VCP: variants seen among roughly 807,000 people sequenced by gnomAD.
VCP encodes the protein valosin containing protein, also known as transitional endoplasmic reticulum ATPase.
A neutral mutation model predicts 85.7 loss-of-function variants in VCP; 6 were observed. The ratio of observed to expected loss-of-function variants is 0.07; its 90% confidence interval spans 0.04 to 0.14. The LOEUF is 0.14. Ranked by LOEUF, VCP falls within the 10% of genes least tolerant of loss-of-function variation. The probability of loss-of-function intolerance (pLI) is 1.00; values close to 1 mark genes in which losing one functional copy is unlikely to be tolerated. For missense variants in VCP, 353 were observed against 1,043.4 expected (o/e 0.34, Z 9.12); for synonymous variants, 384 against 367.1 (o/e 1.05, Z -0.53).
rs766787045 is a variant in VCP, at chr9:35,066,785, T to C, written c.335A>G (p.Lys112Arg). The part of the protein sequence containing the change: ...IQPCPDVKYG[K>R]RIHVLPIDDT... ...ATCAATGGGCAGCACATGGATACGT[T>C]TGCCGTACTTCACATCAGGGCATGG... is the stretch of plus-strand genomic sequence containing the variant. The change falls in exon 4 of 17, where the codon AAA becomes AGA. Residue 112 changes from lysine (K) to arginine (R), a missense_variant. This residue lies in a region of VCP where 85 missense variants were observed against 345.2 expected (regional missense o/e 0.25). Coordinates refer to ENST00000358901, the MANE Select transcript of VCP (RefSeq NM_007126.5). 1.2e-5 allele frequency: 19 copies of C among 1,614,178 alleles called. No individual in the cohort carries two copies. Among genetic ancestry groups the C allele is most frequent in the Non-Finnish European group, 1.6e-5 (19 of 1,180,016 alleles).
chr9:35,067,805 G>T, intron 3 of VCP, 86 bp downstream of exon 3: 1 of 1,563,448 alleles, frequency 6.4e-7, no homozygotes, highest in Non-Finnish European at 8.8e-7. Context: ...CAAGAACTTG[G>T]TCCTGCCTGT....
rs864309501 is a variant in VCP, at chr9:35,065,274, C to T, written c.553G>A (p.Glu185Lys). The T allele has an allele frequency of 6.2e-7, 1 of 1,614,204 alleles. No individual in the cohort carries two copies. The highest frequency in any genetic ancestry group is 8.5e-7 in the Non-Finnish European group (1 of 1,180,038). Residue 185 changes from glutamate to lysine, a missense_variant, in exon 5 of 17, where the codon GAA becomes AAA. Glu to Lys is a moderately conservative substitution (Grantham distance 56, BLOSUM62 1). Coordinates refer to ENST00000358901, the MANE Select transcript of VCP (RefSeq NM_007126.5). ...IVAPDTVIHC[E>K]GEPIKREDEE... ...ACCTCTCGTTTGATAGGCTCCCCTTCGCAGTGGATCACTGTGTCTGGAGCA... is the reference window on the plus strand; with the variant it reads ...ACCTCTCGTTTGATAGGCTCCCCTTTGCAGTGGATCACTGTGTCTGGAGCA...
intron 7 of VCP, 92 bp downstream of exon 7, chr9:35,062,886 G>T: frequency 8.8e-7 from 1 of 1,141,306 alleles, no homozygotes; most frequent in Non-Finnish European, 1.3e-6. Flanking sequence ...GGAGGGCATG[G>T]GTGCAAAAAG....
chr9:35,071,891 C>T, intron 1 of VCP: 8 of 999,106 alleles, frequency 8.0e-6, no homozygotes, highest in Non-Finnish European at 9.5e-6. Context: ...CCACGCCCAC[C>T]GGGCCCGGCT....
chr9:35,069,547 G>A (rs1828899922), intron 1 of VCP, among the ~76,000 whole-genome samples: 1 of 150,736 alleles, frequency 6.6e-6, no homozygotes, highest in African/African-American at 2.5e-5. Flanking sequence ...CCACCTCCCG[G>A]GTTCAAGTGA....
intron 1 of VCP, among the ~76,000 whole-genome samples, chr9:35,071,070 G>A (rs1828931429): frequency 6.6e-6 from 1 of 152,180 alleles, no homozygotes; most frequent in African/African-American, 2.4e-5. Flanking sequence ...AGAAACAGCT[G>A]ATGATGCCAG....
rs1828719036 is a variant in VCP at position 35,061,448 on chromosome 9, G to C, written c.1194+129C>G. On this transcript the variant is annotated intron_variant, in intron 10 of 16. Coordinates refer to ENST00000358901, the MANE Select transcript of VCP (RefSeq NM_007126.5). ...CTCCCATTTCCTGGATTCAATCTCAGATTACTTCCTTTCCCCTGTCCAGAA... is the reference window on the plus strand; with the variant it reads ...CTCCCATTTCCTGGATTCAATCTCACATTACTTCCTTTCCCCTGTCCAGAA... The C allele has an allele frequency of 4.0e-6, 4 of 1,002,810 alleles. No homozygotes were observed. The South Asian group carries it at 5.2e-5, about 13-fold the overall frequency. 62.1% of individuals were successfully genotyped at this position (1,002,810 alleles called of 1,614,324 possible).
intron 11 of VCP, 44 bp from the exon 12 acceptor site, chr9:35,060,967 G>A (rs752573338): frequency 1.2e-5 from 20 of 1,614,000 alleles, no homozygotes; most frequent in Admixed American, 1.0e-4. Flanking sequence ...ATCAAGGGAG[G>A]GGTCAAAGCA....
Position 35,063,063 on chromosome 9 carries a change from C to T in VCP, c.726G>A (p.Leu242=). Residue 242 remains leucine (L), a synonymous_variant, in exon 7 of 17, where the codon CTG becomes CTA. Transcript: ENST00000358901. ...AIGVKPPRGI[L]LYGPPGTGKT... is the part of the protein sequence containing the mutation. The stretch of plus-strand genomic sequence containing the variant: ...TTCCTGTTCCAGGAGGTCCGTAAAG[C>T]AGGATTCCTCTAGGAGGCTGTGGAC... The T allele has an allele frequency of 6.2e-7, 1 of 1,614,024 alleles. No homozygotes were observed. Among genetic ancestry groups the T allele is most frequent in the Non-Finnish European group, 8.5e-7 (1 of 1,180,020 alleles).
chr9:35,059,013 G>GCTGC lies in VCP; in HGVS notation c.2160+47_2160+50dup. The GCTGC allele has an allele frequency of 6.2e-7, 1 of 1,610,136 alleles. No individual in the cohort carries two copies. Among genetic ancestry groups the GCTGC allele is most frequent in the Non-Finnish European group, 8.5e-7 (1 of 1,179,502 alleles). ...TCAACTCCAGGGCATGGTGGTGGCT[G>GCTGC]CTGCCTGGCTCTCCATGATTGGCAC... On this transcript the variant is annotated intron_variant, in intron 15 of 16. Coordinates refer to ENST00000358901, the MANE Select transcript of VCP (RefSeq NM_007126.5). The surrounding 1 kb of genome is among the most constrained non-coding windows in gnomAD (Gnocchi z 4.9).
chr9:35,065,426 A>C (rs1461251501), intron 4 of VCP, 45 bp from the exon 5 acceptor site: 1 of 1,613,164 alleles, frequency 6.2e-7, no homozygotes. Context: ...TGTCAACTAC[A>C]AGACAAAGTG....
intron 12 of VCP, 51 bp from the exon 13 acceptor site, chr9:35,060,576 A>C: frequency 6.3e-7 from 1 of 1,582,954 alleles, no homozygotes; most frequent in Non-Finnish European, 8.7e-7. Flanking sequence ...TTTTGAAAGA[A>C]ACCTAACTAA....
chr9:35,060,539 G>T lies in VCP; in HGVS notation c.1483-14C>A. 1 of 1,613,072 alleles carries T rather than the reference G, an allele frequency of 6.2e-7. No individual in the cohort carries two copies. Among genetic ancestry groups the T allele is most frequent in the Non-Finnish European group, 8.5e-7 (1 of 1,179,470 alleles). On this transcript the variant is annotated splice_polypyrimidine_tract_variant and intron_variant, in intron 12 of 16. Transcript: ENST00000358901. ...CTCCACAGGATACTAGGAGGAAAAG[G>T]AAAGAGGGTTCAAGGCTACCTCCAC... is the stretch of plus-strand genomic sequence containing the variant.
At chr9:35,070,023 A>G (rs1223060561) in intron 1 of VCP, among the ~76,000 whole-genome samples, 1 of 152,214 alleles carries the variant, frequency 6.6e-6, no homozygotes, top group African/African-American at 2.4e-5. Context: ...GTGCTCAGCT[A>G]GGAAGCCATG....
Position 35,062,482 on chromosome 9 carries a change from C to T in VCP, c.812-132G>A, listed in dbSNP as rs1011729889. ...AAGGTGGTAACCTCTGCCTACTTCT[C>T]ACATCCTCTACCAGCCATTATCCCA... On this transcript the variant is annotated intron_variant, in intron 7 of 16. Coordinates refer to ENST00000358901, the MANE Select transcript of VCP (RefSeq NM_007126.5). The T allele has an allele frequency of 1.4e-5, 19 of 1,389,272 alleles. No individual in the cohort carries two copies. The African/African-American group carries it at 2.4e-4, about 18-fold the overall frequency. The allele number at this position is 1,389,272 out of a possible 1,614,324, so 86.1% of individuals were successfully genotyped here.
chr9:35,058,672 C>T (rs1828659365), intron 15 of VCP, among the ~76,000 whole-genome samples: 4 of 152,084 alleles, frequency 2.6e-5, no homozygotes. Context: ...GAGGCTGAGG[C>T]AGGAGAATCG....
Position 35,059,163 on chromosome 9 carries a change from C to G in VCP, c.2061G>C (p.Leu687=). 1 of 1,614,150 alleles carries G rather than the reference C, an allele frequency of 6.2e-7. No homozygotes were observed. Among genetic ancestry groups the G allele is most frequent in the East Asian group, 2.2e-5 (1 of 44,876 alleles). The change falls in exon 15 of 17, where the codon CTG becomes CTC. Residue 687 remains leucine, a synonymous_variant. Transcript: ENST00000358901. This position sits in a 1 kb window ranked among gnomAD's most constrained non-coding sequence, Gnocchi z 4.9. ...TGCAAGCACGCTGGCAAATCTCTGTCAGGTCAGCTCCAGAGAAGCCATTAG... is the reference window on the plus strand; with the variant it reads ...TGCAAGCACGCTGGCAAATCTCTGTGAGGTCAGCTCCAGAGAAGCCATTAG... ...KMTNGFSGAD[L]TEICQRACKL...
At chr9:35,060,176 C>T in intron 13 of VCP, 137 bp downstream of exon 13, 1 of 968,124 alleles carries the variant, frequency 1.0e-6, no homozygotes, top group Non-Finnish European at 1.6e-6. Flanking sequence ...TCTCTCAGAC[C>T]TCAGAAAGAA....
Position 35,072,553 on chromosome 9 carries a change from A to AGGTGGC in VCP, c.-206_-201dup, listed in dbSNP as rs1406581610. 11 of 597,400 alleles carry AGGTGGC rather than the reference A, an allele frequency of 1.8e-5. No individual in the cohort carries two copies. The highest frequency in any genetic ancestry group is 3.9e-5 in the African/African-American group (2 of 50,666). 37.0% of individuals were successfully genotyped at this position (597,400 alleles called of 1,614,324 possible). A position where few individuals can be genotyped will look rare whatever the true frequency, so the allele number is the denominator to read the frequency against. On this transcript the variant is annotated 5_prime_UTR_variant, in exon 1 of 17. Transcript: ENST00000358901. ...GAACAACGCTGGCTCCTGATCCGCGAGGTGGCAGTGGCAGTGGCAGCGGCA... is the reference window on the plus strand; with the variant it reads ...GAACAACGCTGGCTCCTGATCCGCGAGGTGGCGGTGGCAGTGGCAGTGGCAGCGGCA...
Sources: gnomAD v4.1 joint callset for allele counts (sites outside exome capture counted in the v4.1 genomes callset) on GRCh38, gnomAD v4.1.1 for gene constraint, gnomAD v4.1.1 regional missense constraint, Gnocchi (gnomAD v3.1) non-coding constraint, MANE v1.5 for transcripts, NCBI Gene and HGNC (gene_info 2026-07-23, HGNC 2026-07-21) for gene names.